GABRG1: variants seen among roughly 807,000 people sequenced by gnomAD.
GABRG1 encodes the protein gamma-aminobutyric acid type A receptor subunit gamma1.
Under a neutral mutation model 49.8 loss-of-function variants are expected in GABRG1, and 49 were observed. That is an observed-to-expected ratio of 0.98 (90% CI 0.78 to 1.25). The LOEUF (loss-of-function observed/expected upper bound fraction) is 1.25, where lower values mean the gene tolerates loss of function less well. Ranked by LOEUF, GABRG1 falls within the 50% of genes most tolerant of loss-of-function variation. GABRG1 has a pLI of 0.00. For synonymous variants in GABRG1, 232 were observed against 185.1 expected (o/e 1.25, Z -2.06); for missense variants, 552 against 552.3 (o/e 1.00, Z 0.01).
intron 3 of GABRG1, among the ~76,000 whole-genome samples, chr4:46,069,780 C>A (rs570405513): frequency 1.5e-3 from 223 of 151,970 alleles, no homozygotes; most frequent in African/African-American, 5.1e-3. Flanking sequence ...GAAAATGGAA[C>A]CTTCTTGGTA....
At chr4:46,105,109 A>G (rs1476977426) in intron 1 of GABRG1, among the ~76,000 whole-genome samples, 1 of 151,458 alleles carries the variant, frequency 6.6e-6, no homozygotes, top group East Asian at 2.0e-4. Flanking sequence ...CCCAAACTCC[A>G]TTTTTTATAA....
intron 3 of GABRG1, among the ~76,000 whole-genome samples, chr4:46,072,051 T>C (rs146715214): frequency 1.3e-5 from 2 of 152,216 alleles, no homozygotes; most frequent in Non-Finnish European, 2.9e-5. Context: ...AAGCCTCTTA[T>C]GCAGGTATAC....
chr4:46,075,011 T>A (rs1719272222), intron 3 of GABRG1, among the ~76,000 whole-genome samples: 1 of 151,916 alleles, frequency 6.6e-6, no homozygotes, highest in Non-Finnish European at 1.5e-5. Context: ...AGATCATAAT[T>A]ATTATATTTC....
intron 2 of GABRG1, among the ~76,000 whole-genome samples, chr4:46,088,289 A>T (rs937994943): frequency 6.6e-6 from 1 of 152,096 alleles, no homozygotes; most frequent in Admixed American, 6.6e-5. Flanking sequence ...CCCACATTTA[A>T]CAAGATTTTG....
At chr4:46,076,362 CATATATATATATATATATATATAT>C (rs1203391424) in intron 3 of GABRG1, among the ~76,000 whole-genome samples, 3 of 78,728 alleles carry the variant, frequency 3.8e-5, no homozygotes, top group Non-Finnish European at 6.9e-5. Flanking sequence ...AGGTCATGTT[CATATATATATATATATATATATAT>C]ATATATATAT....
chr4:46,056,253 A>C (rs911962218), intron 7 of GABRG1, among the ~76,000 whole-genome samples: 3 of 150,928 alleles, frequency 2.0e-5, no homozygotes, highest in Admixed American at 1.3e-4. Flanking sequence ...TGATCTAACT[A>C]TTGGCCCCTT....
intron 1 of GABRG1, among the ~76,000 whole-genome samples, chr4:46,105,046 C>T (rs1720489085): frequency 1.3e-5 from 2 of 151,362 alleles, no homozygotes; most frequent in African/African-American, 4.8e-5. Context: ...GGCACGCTAT[C>T]CTTCCTTTTT....
At chr4:46,057,829 TA>T (rs1265754816) in intron 7 of GABRG1, among the ~76,000 whole-genome samples, 7 of 152,056 alleles carry the variant, frequency 4.6e-5, no homozygotes, top group African/African-American at 1.7e-4. Flanking sequence ...CACACCTCAG[TA>T]AATAAACAGT....
chr4:46,051,183 G>C (rs1465404174), intron 8 of GABRG1, among the ~76,000 whole-genome samples: 1 of 151,800 alleles, frequency 6.6e-6, no homozygotes, highest in Non-Finnish European at 1.5e-5. Flanking sequence ...ATCTACCACT[G>C]TGGGAAAATT....
intron 1 of GABRG1, among the ~76,000 whole-genome samples, chr4:46,117,119 T>C (rs965249093): frequency 6.6e-6 from 1 of 150,590 alleles, no homozygotes; most frequent in Admixed American, 6.7e-5. Context: ...CTTAAAGCCA[T>C]CTAGAGAAAC....
At chr4:46,095,131 A>G (rs1720125339) in intron 2 of GABRG1, among the ~76,000 whole-genome samples, 1 of 151,868 alleles carries the variant, frequency 6.6e-6, no homozygotes, top group Non-Finnish European at 1.5e-5. Context: ...GAAAAAGACA[A>G]AATTATGATG....
Position 46,036,166 on chromosome 4 carries a change from T to C in GABRG1, c.*4822A>G, listed in dbSNP as rs934766165. On this transcript the variant is annotated 3_prime_UTR_variant, in exon 9 of 9. Transcript: ENST00000295452. The stretch of plus-strand genomic sequence containing the variant: ...TCATTGTCCAACAATAACAATTCTT[T>C]TATTTATTCTGACATAAATATTTCA... The C allele has an allele frequency of 4.6e-5, 7 of 151,952 alleles. No homozygotes were observed. Among genetic ancestry groups the C allele is most frequent in the African/African-American group, 1.7e-4 (7 of 41,416 alleles). 9.4% of individuals were successfully genotyped at this position (151,952 alleles called of 1,614,324 possible). A position where few individuals can be genotyped will look rare whatever the true frequency, so the allele number is the denominator to read the frequency against.
At chr4:46,099,121 T>C (rs1452200927) in intron 1 of GABRG1, among the ~76,000 whole-genome samples, 1 of 151,748 alleles carries the variant, frequency 6.6e-6, no homozygotes, top group Non-Finnish European at 1.5e-5. Flanking sequence ...TCTCCTCTTC[T>C]TGTGAAATAA....
chr4:46,065,620 G>T, intron 3 of GABRG1, 36 bp from the exon 4 acceptor site: 2 of 935,768 alleles, frequency 2.1e-6, no homozygotes, highest in Non-Finnish European at 1.6e-6. Flanking sequence ...TATTAGTAAA[G>T]CTACTATTTT....
At chr4:46,084,613 A>G (rs1376881162) in intron 2 of GABRG1, among the ~76,000 whole-genome samples, 1 of 151,658 alleles carries the variant, frequency 6.6e-6, no homozygotes, top group Non-Finnish European at 1.5e-5. Flanking sequence ...ACCCCTTGCA[A>G]TTAAAAATAC....
At chr4:46,088,270 A>C (rs1409087727) in intron 2 of GABRG1, among the ~76,000 whole-genome samples, 1 of 152,094 alleles carries the variant, frequency 6.6e-6, no homozygotes, top group African/African-American at 2.4e-5. Flanking sequence ...ATATGTAATG[A>C]AAAATTGTCC....
At position 46,049,000 on chromosome 4, in the gene GABRG1, C is replaced by G. The variant is rs562099468; in HGVS notation, c.1131+2424G>C. 2.0e-5 allele frequency among the ~76,000 whole-genome samples: 3 copies of G among 152,008 alleles called. No individual in the cohort carries two copies. The East Asian group carries it at 5.8e-4, about 30-fold the overall frequency. On this transcript the variant is annotated intron_variant, in intron 8 of 8. Transcript: ENST00000295452. Reference sequence around the variant, plus strand: ...GAATTGTTGACCTTTCAGCAACTCTCTAGCCAAAGTATTGCATCCTAGCCT... The same window carrying G: ...GAATTGTTGACCTTTCAGCAACTCTGTAGCCAAAGTATTGCATCCTAGCCT...
intron 1 of GABRG1, among the ~76,000 whole-genome samples, chr4:46,104,328 T>C (rs1720468520): frequency 6.6e-6 from 1 of 151,504 alleles, no homozygotes; most frequent in Non-Finnish European, 1.5e-5. Flanking sequence ...ATGAAACCAA[T>C]ACACAGTTTA....
At chr4:46,093,765 A>T (rs1720081293) in intron 2 of GABRG1, among the ~76,000 whole-genome samples, 1 of 152,002 alleles carries the variant, frequency 6.6e-6, no homozygotes, top group African/African-American at 2.4e-5. Flanking sequence ...TTTTTTAAAA[A>T]AGGAGACAAA....
Sources: allele counts gnomAD v4.1 joint callset (sites outside exome capture counted in the v4.1 genomes callset), GRCh38; gene constraint gnomAD v4.1.1; transcripts MANE v1.5; gene names NCBI Gene and HGNC (gene_info 2026-07-23, HGNC 2026-07-21).